Variants in GCNT3 observed in about 807,000 individuals in gnomAD.
The protein encoded by GCNT3 is beta-1,3-galactosyl-O-glycosyl-glycoprotein beta-1,6-N-acetylglucosaminyltransferase 3.
For synonymous variants in GCNT3, 269 were observed against 195.2 expected (o/e 1.38, Z -3.15); for missense variants, 708 against 530.3 (o/e 1.34, Z -3.29).
chr15:59,618,940 G>A lies in GCNT3; in HGVS notation c.702G>A (p.Lys234=), dbSNP rs762080217. The change falls in exon 3 of 3, where the codon AAG becomes AAA. Residue 234 remains lysine (K), a synonymous_variant. Transcript: ENST00000396065. ...CATGTGGGACGGACTTTCCTATAAAGAGCAATGCAGAGATGGTCCAGGCTC... is the reference window on the plus strand; with the variant it reads ...CATGTGGGACGGACTTTCCTATAAAAAGCAATGCAGAGATGGTCCAGGCTC... ...LNTCGTDFPI[K]SNAEMVQALK... is the part of the protein sequence containing the mutation. 11 of 1,614,084 alleles carry A rather than the reference G, an allele frequency of 6.8e-6. No individual in the cohort carries two copies. The South Asian group carries it at 1.1e-4, about 16-fold the overall frequency.
In GCNT3 at chr15:59,618,926, G is replaced by A. The variant is rs1320437819; in HGVS notation, c.688G>A (p.Asp230Asn). 3.1e-6 allele frequency: 5 copies of A among 1,614,130 alleles called. No individual in the cohort carries two copies. The highest frequency in any genetic ancestry group is 4.2e-6 in the Non-Finnish European group (5 of 1,180,014). Reference protein sequence around the residue: ...WKYFLNTCGTDFPIKSNAEMV... With the variant: ...WKYFLNTCGTNFPIKSNAEMV... The stretch of plus-strand genomic sequence containing the variant: ...ATACTTCCTGAATACATGTGGGACG[G>A]ACTTTCCTATAAAGAGCAATGCAGA... The change falls in exon 3 of 3, where the codon GAC becomes AAC. Residue 230 changes from aspartate (D) to asparagine (N), a missense_variant. By Grantham distance (23) the Asp-to-Asn change is conservative. Coordinates refer to ENST00000396065, the MANE Select transcript of GCNT3 (RefSeq NM_004751.3).
chr15:59,617,142 T>A (rs1305654255), intron 2 of GCNT3, among the ~76,000 whole-genome samples: 1 of 147,516 alleles, frequency 6.8e-6, no homozygotes, highest in Non-Finnish European at 1.5e-5. Flanking sequence ...CAATGTACAA[T>A]GTTTTTTCTT....
rs1386164760 is a variant in GCNT3, at chr15:59,621,560, G to A, written c.*2005G>A. The A allele has an allele frequency of 7.7e-6, 1 of 129,778 alleles. No individual in the cohort carries two copies. Among genetic ancestry groups the A allele is most frequent in the Non-Finnish European group, 1.6e-5 (1 of 62,520 alleles). The allele number at this position is 129,778 out of a possible 1,614,324, so 8.0% of individuals were successfully genotyped here. On this transcript the variant is annotated 3_prime_UTR_variant, in exon 3 of 3. Coordinates refer to ENST00000396065, the MANE Select transcript of GCNT3 (RefSeq NM_004751.3). The stretch of plus-strand genomic sequence containing the variant: ...GATGCTCCCATTAATACGTCATGAT[G>A]TCATTAATATGTTTCTTCCTTTCTG...
Position 59,619,324 on chromosome 15 carries a change from G to T in GCNT3, c.1086G>T (p.Arg362Ser), listed in dbSNP as rs1361084388. Residue 362 changes from arginine to serine, a missense_variant, in exon 3 of 3, where the codon AGG becomes AGT. By Grantham distance (110) the Arg-to-Ser change is moderately radical. Coordinates refer to ENST00000396065, the MANE Select transcript of GCNT3 (RefSeq NM_004751.3). Reference protein sequence around the residue: ...YDISDMTSIARLVKWQGHEGD... With the variant: ...YDISDMTSIASLVKWQGHEGD... ...TCTCAGACATGACTTCTATTGCCAGGCTGGTCAAGTGGCAGGGTCATGAGG... is the reference window on the plus strand; with the variant it reads ...TCTCAGACATGACTTCTATTGCCAGTCTGGTCAAGTGGCAGGGTCATGAGG... 2 of 1,614,098 alleles carry T rather than the reference G, an allele frequency of 1.2e-6. No individual in the cohort carries two copies. Among genetic ancestry groups the T allele is most frequent in the South Asian group, 2.2e-5 (2 of 91,082 alleles).
Position 59,618,443 on chromosome 15 carries a change from A to G in GCNT3, c.205A>G (p.Asn69Asp), listed in dbSNP as rs200563607. ...GAAACTTCCAGCAAAGAGGTCTATCAACTGTTCAGGGGTCACCCGAGGGGA... is the reference window on the plus strand; with the variant it reads ...GAAACTTCCAGCAAAGAGGTCTATCGACTGTTCAGGGGTCACCCGAGGGGA... ...FLKLPAKRSI[N>D]CSGVTRGDQE... Residue 69 changes from asparagine (N) to aspartate (D), a missense_variant, in exon 3 of 3, where the codon AAC (asparagine) becomes GAC (aspartate). By Grantham distance (23) the Asn-to-Asp change is conservative. Transcript: ENST00000396065. 2.2e-5 allele frequency: 36 copies of G among 1,613,974 alleles called. No individual in the cohort carries two copies. The highest frequency in any genetic ancestry group is 2.8e-5 in the Non-Finnish European group (33 of 1,179,952).
intron 1 of GCNT3, among the ~76,000 whole-genome samples, chr15:59,613,463 G>C (rs1261551650): frequency 6.6e-6 from 1 of 150,574 alleles, no homozygotes; most frequent in Non-Finnish European, 1.5e-5. Flanking sequence ...CATTTTGGGA[G>C]GCTGAGGCGG....
At chr15:59,614,410 A>T (rs2082710430) in intron 1 of GCNT3, among the ~76,000 whole-genome samples, 1 of 152,192 alleles carries the variant, frequency 6.6e-6, no homozygotes. Flanking sequence ...AAGCAAGTTC[A>T]TTAAGAAAGT....
At chr15:59,612,764 T>C (rs1294349680) in intron 1 of GCNT3, among the ~76,000 whole-genome samples, 2 of 152,098 alleles carry the variant, frequency 1.3e-5, no homozygotes, top group Non-Finnish European at 2.9e-5. Flanking sequence ...CCCCCGATCT[T>C]CCTGTGCCCT....
At chr15:59,613,171 A>G (rs1035043998) in intron 1 of GCNT3, among the ~76,000 whole-genome samples, 1 of 152,100 alleles carries the variant, frequency 6.6e-6, no homozygotes, top group Non-Finnish European at 1.5e-5. Flanking sequence ...CTATTATGCA[A>G]AAGAATTCAC....
intron 2 of GCNT3, 22 bp from the exon 3 acceptor site, chr15:59,618,157 G>A (rs2082728129): frequency 1.4e-6 from 1 of 723,594 alleles, no homozygotes; most frequent in South Asian, 2.1e-5. Flanking sequence ...TTTGTAACTG[G>A]AGGCATTTTG....
chr15:59,618,331 C>G lies in GCNT3; in HGVS notation c.93C>G (p.Phe31Leu), dbSNP rs767423891. The G allele has an allele frequency of 1.9e-6, 3 of 1,613,844 alleles. No individual in the cohort carries two copies. The highest frequency in any genetic ancestry group is 8.5e-7 in the Non-Finnish European group (1 of 1,179,830). The change falls in exon 3 of 3, where the codon TTC (phenylalanine) becomes TTG (leucine). Residue 31 changes from phenylalanine (F) to leucine (L), a missense_variant. Physicochemically the swap from Phe to Leu is conservative, Grantham distance 22. Transcript: ENST00000396065. Reference protein sequence around the residue: ...LLATVALKLSFRLKCDSDHLG... With the variant: ...LLATVALKLSLRLKCDSDHLG... ...CCACTGTGGCTCTGAAACTTTCTTT[C>G]AGGTTGAAGTGTGACTCTGACCACT...
In GCNT3 at chr15:59,614,386, AG is replaced by A. The variant is rs373335999; in HGVS notation, c.-250-2305del. On this transcript the variant is annotated intron_variant, in intron 1 of 2. Transcript: ENST00000396065. ...CTTGCGCAAGAAAGAATTCAGGGCGAGTCCGTAAAGTGAAAGCAAGTTCATT... is the reference window on the plus strand; with the variant it reads ...CTTGCGCAAGAAAGAATTCAGGGCGATCCGTAAAGTGAAAGCAAGTTCATT... Among the ~76,000 whole-genome samples the A allele has an allele frequency of 4.2e-3, 645 of 152,334 alleles. 3 individuals carry two copies. Among genetic ancestry groups the A allele is most frequent in the African/African-American group, 0.014 (602 of 41,558 alleles).
At chr15:59,614,979 G>A (rs1427054966) in intron 1 of GCNT3, 10 of 152,180 alleles carry the variant, frequency 6.6e-5, no homozygotes, top group African/African-American at 2.4e-4. Context: ...GGAGGTGTGT[G>A]CATGTAAACA....
chr15:59,613,181 C>G (rs1415021237), intron 1 of GCNT3, among the ~76,000 whole-genome samples: 1 of 152,016 alleles, frequency 6.6e-6, no homozygotes, highest in East Asian at 1.9e-4. Flanking sequence ...AAAGAATTCA[C>G]TAAAATACAG....
chr15:59,620,869 C>G lies in GCNT3; in HGVS notation c.*1314C>G, dbSNP rs1188000813. 1.1e-5 allele frequency: 1 copy of G among 92,944 alleles called. No individual in the cohort carries two copies. The highest frequency in any genetic ancestry group is 4.4e-4 in the East Asian group (1 of 2,262). The allele number at this position is 92,944 out of a possible 1,614,324, so 5.8% of individuals were successfully genotyped here. On this transcript the variant is annotated 3_prime_UTR_variant, in exon 3 of 3. Transcript: ENST00000396065. ...CATGTTTAGGCCTCTTGAGTCAAAA[C>G]TCTTTTTTTTTTTTTTTTTTTTTTT...
At chr15:59,617,090 G>A (rs999627327) in intron 2 of GCNT3, among the ~76,000 whole-genome samples, 2 of 142,208 alleles carry the variant, frequency 1.4e-5, no homozygotes, top group East Asian at 2.1e-4. Flanking sequence ...ACCCTTTATT[G>A]TATTTATTTT....
chr15:59,617,664 A>T (rs1364411096), intron 2 of GCNT3, among the ~76,000 whole-genome samples: 1 of 152,190 alleles, frequency 6.6e-6, no homozygotes, highest in Non-Finnish European at 1.5e-5. Flanking sequence ...GCTAGATGTC[A>T]CATCTGACCA....
rs1273838016 is a variant in GCNT3, at chr15:59,620,357, CG to C, written c.*805del. 4 of 166,644 alleles carry C rather than the reference CG, an allele frequency of 2.4e-5. No homozygotes were observed. Among genetic ancestry groups the C allele is most frequent in the Non-Finnish European group, 5.9e-5 (4 of 68,096 alleles). The allele number at this position is 166,644 out of a possible 1,614,324, so 10.3% of individuals were successfully genotyped here. A position where few individuals can be genotyped will look rare whatever the true frequency, so the allele number is the denominator to read the frequency against. On this transcript the variant is annotated 3_prime_UTR_variant, in exon 3 of 3. Coordinates refer to ENST00000396065, the MANE Select transcript of GCNT3 (RefSeq NM_004751.3). Reference sequence around the variant, plus strand: ...TAATTTTTGTATTTTTAGTAGAGGCCGGGTTTCACCATATTCGCCAGGCTGG... The same window carrying C: ...TAATTTTTGTATTTTTAGTAGAGGCCGGTTTCACCATATTCGCCAGGCTGG...
intron 2 of GCNT3, among the ~76,000 whole-genome samples, chr15:59,617,174 C>T (rs7182378): frequency 0.91 from 120,572 of 132,138 alleles, 54,601 homozygotes; most frequent in Middle Eastern, 0.96. Flanking sequence ...TGTTTTCTTT[C>T]TTTCTTTTTT....
Sources: allele counts gnomAD v4.1 joint callset (sites outside exome capture counted in the v4.1 genomes callset), GRCh38; gene constraint gnomAD v4.1.1; transcripts MANE v1.5; gene names NCBI Gene and HGNC (gene_info 2026-07-23, HGNC 2026-07-21).